Variants in DUXB observed in about 807,000 individuals in gnomAD.
The protein encoded by DUXB is double homeobox protein B.
DUXB carries 22 observed loss-of-function variants against 8.9 expected under a neutral mutation model. The ratio of observed to expected loss-of-function variants is 2.46; its 90% confidence interval spans 1.76 to 3.52. The LOEUF (loss-of-function observed/expected upper bound fraction) is 3.52, where lower values mean the gene tolerates loss of function less well. Among genes scored for constraint, DUXB ranks in the 30% most tolerant of loss-of-function variants. The probability of loss-of-function intolerance (pLI) is 0.00; values close to 1 mark genes in which losing one functional copy is unlikely to be tolerated. For synonymous variants in DUXB, 84 were observed against 37.6 expected, an observed-to-expected ratio of 2.23 and a Z score of -4.52; for missense variants, 237 against 108.7, an observed-to-expected ratio of 2.18 and a Z score of -5.25.
intron 2 of DUXB, 88 bp downstream of exon 2, chr16:75,699,927 G>T: frequency 1.7e-6 from 1 of 577,102 alleles, no homozygotes; most frequent in South Asian, 2.3e-5. Context: ...GATATAACCT[G>T]ATATAAGAGA....
At chr16:75,694,546 C>G (rs1214767028) in intron 4 of DUXB, 21 bp from the exon 5 acceptor site, 1 of 702,854 alleles carries the variant, frequency 1.4e-6, no homozygotes, top group Middle Eastern at 2.3e-4. Flanking sequence ...AAAAGGGCAA[C>G]ATGACATCAT....
chr16:75,694,484 G>C lies in DUXB; in HGVS notation c.483C>G (p.Ser161Arg), dbSNP rs1309337657. The change falls in exon 5 of 5, where the codon AGC (serine) becomes AGG (arginine). Residue 161 changes from serine (S) to arginine (R), a missense_variant. Physicochemically the swap from Ser to Arg is moderately radical, Grantham distance 110. Coordinates refer to ENST00000633875, the MANE Select transcript of DUXB (RefSeq NM_001351307.2). ...QKQRSLYLKK[S>R]RMEPMNLLVD... The stretch of plus-strand genomic sequence containing the variant: ...CCAATAAATTCATGGGCTCCATTCT[G>C]CTCTTCTTGAGGTACAGAGATCTTT... 2 of 702,932 alleles carry C rather than the reference G, an allele frequency of 2.8e-6. No homozygotes were observed. The highest frequency in any genetic ancestry group is 3.5e-5 in the African/African-American group (2 of 57,236). 43.5% of individuals were successfully genotyped at this position (702,932 alleles called of 1,614,324 possible). A position where few individuals can be genotyped will look rare whatever the true frequency, so the allele number is the denominator to read the frequency against.
chr16:75,700,610 C>T (rs1039823131), intron 1 of DUXB, among the ~76,000 whole-genome samples: 16 of 152,060 alleles, frequency 1.1e-4, no homozygotes, highest in African/African-American at 7.2e-5. Flanking sequence ...CTCTGCCTCC[C>T]GGGTTCACGC....
At position 75,695,864 on chromosome 16, in the gene DUXB, C is replaced by T. The variant is rs2082601612; in HGVS notation, c.441+97G>A. The T allele has an allele frequency of 6.2e-6, 4 of 645,562 alleles. No individual in the cohort carries two copies. The South Asian group carries it at 7.0e-5, about 11-fold the overall frequency. The allele number at this position is 645,562 out of a possible 1,614,324, so 40.0% of individuals were successfully genotyped here. A position where few individuals can be genotyped will look rare whatever the true frequency, so the allele number is the denominator to read the frequency against. On this transcript the variant is annotated intron_variant, in intron 4 of 4. Transcript: ENST00000633875. ...CATCCCCCGTTTCCGCCCTTGATGA[C>T]TTTGATAACCCAAGTCAGCTGTAAG...
At chr16:75,694,746 CAAT>C (rs2082591934) in intron 4 of DUXB, among the ~76,000 whole-genome samples, 1 of 152,010 alleles carries the variant, frequency 6.6e-6, no homozygotes, top group African/African-American at 2.4e-5. Context: ...AACAATGCAA[CAAT>C]AAAAATAATA....
chr16:75,700,145 C>A lies in DUXB; in HGVS notation c.50G>T (p.Arg17Ile). Residue 17 changes from arginine (R) to isoleucine (I), a missense_variant, in exon 2 of 5, where the codon AGA becomes ATA. Coordinates refer to ENST00000633875, the MANE Select transcript of DUXB (RefSeq NM_001351307.2). ...ACTCTGGTTATACTGAATTCTGTTT[C>A]TCCAGAATTCTTTTTGAAGTATGCC... Reference protein sequence around the residue: ...SGGILQKEFWRNRIQYNQSQK... With the variant: ...SGGILQKEFWINRIQYNQSQK... 1.4e-6 allele frequency: 1 copy of A among 702,210 alleles called. No homozygotes were observed. Among genetic ancestry groups the A allele is most frequent in the Non-Finnish European group, 2.6e-6 (1 of 384,680 alleles). 43.5% of individuals were successfully genotyped at this position (702,210 alleles called of 1,614,324 possible).
intron 4 of DUXB, among the ~76,000 whole-genome samples, chr16:75,695,090 C>T (rs1188527502): frequency 6.6e-6 from 1 of 152,098 alleles, no homozygotes; most frequent in Admixed American, 6.5e-5. Context: ...AAATTAACTC[C>T]AGTCCATGTG....
At chr16:75,695,341 T>G (rs772146827) in intron 4 of DUXB, among the ~76,000 whole-genome samples, 1 of 152,250 alleles carries the variant, frequency 6.6e-6, no homozygotes, top group Non-Finnish European at 1.5e-5. Flanking sequence ...GAATTCGTAG[T>G]TTGTGTACAT....
intron 2 of DUXB, among the ~76,000 whole-genome samples, 172 bp downstream of exon 2, chr16:75,699,843 G>A (rs762389635): frequency 2.0e-5 from 3 of 152,192 alleles, no homozygotes; most frequent in Admixed American, 6.5e-5. Flanking sequence ...TTACAGGCGT[G>A]AGCCACCGCG....
At position 75,696,949 on chromosome 16, in the gene DUXB, TAGG is replaced by T. The variant is rs2082612827; in HGVS notation, c.181-9_181-7del. Reference sequence around the variant, plus strand: ...CTGTAATTTTTAAACCAAACCTAAGTAGGAGAAGAAGATGTGATAGTCATACAA... The same window carrying T: ...CTGTAATTTTTAAACCAAACCTAAGTAGAAGAAGATGTGATAGTCATACAA... On this transcript the variant is annotated splice_region_variant and splice_polypyrimidine_tract_variant and intron_variant, in intron 2 of 4. Transcript: ENST00000633875. 1 of 701,396 alleles carries T rather than the reference TAGG, an allele frequency of 1.4e-6. No individual in the cohort carries two copies. The highest frequency in any genetic ancestry group is 1.7e-5 in the African/African-American group (1 of 57,154). 43.4% of individuals were successfully genotyped at this position (701,396 alleles called of 1,614,324 possible). A position where few individuals can be genotyped will look rare whatever the true frequency, so the allele number is the denominator to read the frequency against.
At chr16:75,701,370 G>A (rs368705102) in intron 1 of DUXB, 24 bp downstream of exon 1, 23 of 398,642 alleles carry the variant, frequency 5.8e-5, no homozygotes, top group East Asian at 1.4e-4. Context: ...CCAAAGAACA[G>A]AGAAAAGGCT....
In DUXB at chr16:75,694,312, C is replaced by G; in HGVS notation, c.655G>C (p.Ala219Pro). 1 of 617,666 alleles carries G rather than the reference C, an allele frequency of 1.6e-6. No homozygotes were observed. The highest frequency in any genetic ancestry group is 2.9e-6 in the Non-Finnish European group (1 of 349,124). The allele number at this position is 617,666 out of a possible 1,614,324, so 38.3% of individuals were successfully genotyped here. Residue 219 changes from alanine to proline, a missense_variant, in exon 5 of 5, where the codon GCT (alanine) becomes CCT (proline). Ala to Pro is a conservative substitution (Grantham distance 27). Coordinates refer to ENST00000633875, the MANE Select transcript of DUXB (RefSeq NM_001351307.2). ...TLPPVLPSTQ[A>P]PWDPFRFHVS... is the part of the protein sequence containing the mutation. Reference sequence around the variant, plus strand: ...TGGAACCTGAAGGGATCCCAAGGAGCCTGGGTTGAAGGAAGAACAGGTGGA... The same window carrying G: ...TGGAACCTGAAGGGATCCCAAGGAGGCTGGGTTGAAGGAAGAACAGGTGGA...
At chr16:75,695,387 T>C (rs535523011) in intron 4 of DUXB, among the ~76,000 whole-genome samples, 2 of 152,244 alleles carry the variant, frequency 1.3e-5, no homozygotes, top group African/African-American at 4.8e-5. Flanking sequence ...CAAACACAAA[T>C]AAATGTATTT....
intron 2 of DUXB, among the ~76,000 whole-genome samples, chr16:75,699,717 C>T (rs943934200): frequency 6.6e-6 from 1 of 152,044 alleles, no homozygotes; most frequent in African/African-American, 2.4e-5. Flanking sequence ...TGCCACCACG[C>T]CCGGCTAATT....
At position 75,694,126 on chromosome 16, in the gene DUXB, C is replaced by T; in HGVS notation, c.841G>A (p.Glu281Lys). The T allele has an allele frequency of 2.4e-6, 1 of 425,464 alleles. No homozygotes were observed. Among genetic ancestry groups the T allele is most frequent in the Non-Finnish European group, 4.1e-6 (1 of 243,712 alleles). The allele number at this position is 425,464 out of a possible 1,614,324, so 26.4% of individuals were successfully genotyped here. A position where few individuals can be genotyped will look rare whatever the true frequency, so the allele number is the denominator to read the frequency against. ...TGTTCTTTGTGATTTTGGTGTTCTT[C>T]TTGGTATTGGAGCCAGAAGGGAGTC... ...TPTPFWLQYQ[E>K]EHQNHKEHSG... Residue 281 changes from glutamate to lysine, a missense_variant, in exon 5 of 5, where the codon GAA becomes AAA. Transcript: ENST00000633875.
chr16:75,699,873 T>C (rs1332349085), intron 2 of DUXB, 142 bp downstream of exon 2: 10 of 510,680 alleles, frequency 2.0e-5, no homozygotes, highest in Non-Finnish European at 3.4e-5. Flanking sequence ...TTTATTTGTT[T>C]TCTAATTTTG....
chr16:75,696,778 G>C (rs777919885), intron 3 of DUXB, 60 bp downstream of exon 3: 2 of 675,034 alleles, frequency 3.0e-6, no homozygotes, highest in East Asian at 2.7e-5. Context: ...TGAGCTAAGA[G>C]ATGTTGATGC....
intron 3 of DUXB, 92 bp from the exon 4 acceptor site, chr16:75,696,207 C>T (rs2082605911): frequency 4.6e-6 from 3 of 655,198 alleles, no homozygotes; most frequent in Non-Finnish European, 8.2e-6. Flanking sequence ...TTTGTTCTCT[C>T]TGAATCCCCG....
At position 75,694,665 on chromosome 16, in the gene DUXB, T is replaced by C. The variant is rs566874104; in HGVS notation, c.442-140A>G. 1.1e-5 allele frequency: 7 copies of C among 618,294 alleles called. No individual in the cohort carries two copies. In the East Asian group the frequency reaches 2.0e-4, roughly 17 times the overall value. 38.3% of individuals were successfully genotyped at this position (618,294 alleles called of 1,614,324 possible). A position where few individuals can be genotyped will look rare whatever the true frequency, so the allele number is the denominator to read the frequency against. ...TTATAGAGTTGGCTCTCTGAATCCATGGGTTCCATCTGTATACCCTGATTC... is the reference window on the plus strand; with the variant it reads ...TTATAGAGTTGGCTCTCTGAATCCACGGGTTCCATCTGTATACCCTGATTC... On this transcript the variant is annotated intron_variant, in intron 4 of 4. Coordinates refer to ENST00000633875, the MANE Select transcript of DUXB (RefSeq NM_001351307.2).
Sources: gnomAD v4.1 joint callset for allele counts (sites outside exome capture counted in the v4.1 genomes callset) on GRCh38, gnomAD v4.1.1 for gene constraint, MANE v1.5 for transcripts, NCBI Gene and HGNC (gene_info 2026-07-23, HGNC 2026-07-21) for gene names.